CWF19L2: variants seen among roughly 807,000 people sequenced by gnomAD.
CWF19L2 encodes the protein CWF19 like cell cycle control factor 2.
A neutral mutation model predicts 111.7 loss-of-function variants in CWF19L2; 98 were observed. That is an observed-to-expected ratio of 0.88 (90% CI 0.75 to 1.04). The LOEUF is 1.04. Ranked by LOEUF, CWF19L2 falls within the 50% of genes least tolerant of loss-of-function variation. CWF19L2 has a pLI of 0.00. For synonymous variants in CWF19L2, 351 were observed against 342.9 expected, an observed-to-expected ratio of 1.02 and a Z score of -0.26; for missense variants, 1,101 against 1,051.4, an observed-to-expected ratio of 1.05 and a Z score of -0.65.
At chr11:107,385,322 C>CAA (rs11393267) in intron 12 of CWF19L2, among the ~76,000 whole-genome samples, 4,236 of 148,858 alleles carry the variant, frequency 0.028, 171 homozygotes, top group African/African-American at 0.095. Flanking sequence ...TTAAATAATA[C>CAA]AAAAAAAAAA....
At chr11:107,358,435 C>T (rs1297235800) in intron 12 of CWF19L2, among the ~76,000 whole-genome samples, 2 of 151,842 alleles carry the variant, frequency 1.3e-5, no homozygotes, top group East Asian at 1.9e-4. Flanking sequence ...TCCTGGGCCA[C>T]ATGTGGCCCA....
chr11:107,393,314 C>T (rs1350681203), intron 10 of CWF19L2, among the ~76,000 whole-genome samples: 1 of 152,070 alleles, frequency 6.6e-6, no homozygotes, highest in African/African-American at 2.4e-5. Flanking sequence ...TATAATGATA[C>T]TACCCGTAAC....
At position 107,367,834 on chromosome 11, in the gene CWF19L2, A is replaced by C. The variant is rs1860454328; in HGVS notation, c.1873-14098T>G. On this transcript the variant is annotated intron_variant, in intron 12 of 17. Transcript: ENST00000282251. ...CTAAAACTTAAAGTATAAAACAAAA[A>C]AAAAAGAAATGCTACTGATTTTTGT... 2.9e-5 allele frequency among the ~76,000 whole-genome samples: 4 copies of C among 137,358 alleles called. 2 individuals carry two copies. Among genetic ancestry groups the C allele is most frequent in the African/African-American group, 1.2e-4 (4 of 34,442 alleles). 90.1% of individuals were successfully genotyped at this position (137,358 alleles called of 152,430 possible).
At position 107,439,096 on chromosome 11, in the gene CWF19L2, T is replaced by C. The variant is rs562732610; in HGVS notation, c.658A>G (p.Thr220Ala). 6 of 1,484,960 alleles carry C rather than the reference T, an allele frequency of 4.0e-6. No individual in the cohort carries two copies. The East Asian group carries it at 6.8e-5, about 17-fold the overall frequency. The allele number at this position is 1,484,960 out of a possible 1,614,324, so 92.0% of individuals were successfully genotyped here. A position where few individuals can be genotyped will look rare whatever the true frequency, so the allele number is the denominator to read the frequency against. ...PPEDCSVSSI[T>A]KVSVVEDGGL... is the part of the protein sequence containing the mutation. Reference sequence around the variant, plus strand: ...AATCAAAATGTAGAAATACCTTTAGTAATCGATGACACACTACAGTCTTCA... The same window carrying C: ...AATCAAAATGTAGAAATACCTTTAGCAATCGATGACACACTACAGTCTTCA... The change falls in exon 6 of 18, where the codon ACT becomes GCT. Residue 220 changes from threonine (T) to alanine (A), a missense_variant. Physicochemically the swap from Thr to Ala is moderately conservative, Grantham distance 58. Transcript: ENST00000282251.
At chr11:107,357,248 TG>T (rs765580130) in intron 12 of CWF19L2, among the ~76,000 whole-genome samples, 1 of 152,178 alleles carries the variant, frequency 6.6e-6, no homozygotes, top group South Asian at 2.1e-4. Flanking sequence ...GGGCATACTG[TG>T]AATATAGTCT....
At chr11:107,330,426 C>T (rs1279239268) in intron 16 of CWF19L2, among the ~76,000 whole-genome samples, 1 of 152,026 alleles carries the variant, frequency 6.6e-6, no homozygotes, top group Non-Finnish European at 1.5e-5. Flanking sequence ...ATACTTAGAG[C>T]TCTCCTTGAA....
chr11:107,443,013 G>A lies in CWF19L2; in HGVS notation c.376C>T (p.Gln126Ter). 24 of 1,551,756 alleles carry A rather than the reference G, an allele frequency of 1.5e-5. No individual in the cohort carries two copies. Among genetic ancestry groups the A allele is most frequent in the Non-Finnish European group, 2.1e-5 (24 of 1,146,800 alleles). ...CAGGCTTTTTCCTTGTCAGGAGTCT[G>A]GGATGGAACAGCCTCAACCCACTCA... ...EDEWVEAVPS[Q>*]TPDKEKAWKV... is the part of the protein sequence containing the mutation. The change falls in exon 4 of 18, where the codon CAG becomes TAG. Residue 126 changes from glutamine (Q) to a stop codon, truncating the protein, a stop_gained. Coordinates refer to ENST00000282251, the MANE Select transcript of CWF19L2 (RefSeq NM_152434.3). LOFTEE classifies it high-confidence loss of function.
At chr11:107,405,641 C>T (rs187498427) in intron 10 of CWF19L2, among the ~76,000 whole-genome samples, 1 of 151,982 alleles carries the variant, frequency 6.6e-6, no homozygotes, top group African/African-American at 2.4e-5. Context: ...AGACATTGAC[C>T]TCGAGAAGAG....
intron 10 of CWF19L2, among the ~76,000 whole-genome samples, chr11:107,398,832 T>G (rs1466621748): frequency 6.6e-6 from 1 of 152,190 alleles, no homozygotes; most frequent in Non-Finnish European, 1.5e-5. Flanking sequence ...CAACAGCAGA[T>G]TTCTCAGCGG....
At chr11:107,435,635 A>G (rs1313306289) in intron 6 of CWF19L2, among the ~76,000 whole-genome samples, 1 of 152,106 alleles carries the variant, frequency 6.6e-6, no homozygotes, top group Non-Finnish European at 1.5e-5. Context: ...TTATATAATG[A>G]TTTCACCTTT....
intron 12 of CWF19L2, among the ~76,000 whole-genome samples, chr11:107,386,519 A>C (rs1305477273): frequency 6.6e-6 from 1 of 152,098 alleles, no homozygotes; most frequent in African/African-American, 2.4e-5. Flanking sequence ...AAACCTCTAC[A>C]CTGCCAAATC....
rs192444974 is a variant in CWF19L2, at chr11:107,355,289, C to A, written c.1873-1553G>T. ...AAGTAGCCGGGCGTGGTGGTCCATGCCTATAATCCCAGCTACTCAGGAGGC... is the reference window on the plus strand; with the variant it reads ...AAGTAGCCGGGCGTGGTGGTCCATGACTATAATCCCAGCTACTCAGGAGGC... On this transcript the variant is annotated intron_variant, in intron 12 of 17. Transcript: ENST00000282251. Among the ~76,000 whole-genome samples the A allele has an allele frequency of 1.1e-4, 16 of 152,048 alleles. No homozygotes were observed. In the South Asian group the frequency reaches 1.5e-3, roughly 14 times the overall value.
At chr11:107,354,484 A>C (rs1860206551) in intron 12 of CWF19L2, among the ~76,000 whole-genome samples, 1 of 152,124 alleles carries the variant, frequency 6.6e-6, no homozygotes, top group Non-Finnish European at 1.5e-5. Context: ...CCTTATCCAA[A>C]TGCTTGGGAC....
chr11:107,381,066 T>C (rs1406648686), intron 12 of CWF19L2, among the ~76,000 whole-genome samples: 2 of 152,050 alleles, frequency 1.3e-5, no homozygotes, highest in East Asian at 1.9e-4. Context: ...TAAATGGAAG[T>C]GAGCAGGACA....
intron 12 of CWF19L2, among the ~76,000 whole-genome samples, chr11:107,362,189 G>A (rs554674337): frequency 3.3e-5 from 3 of 91,068 alleles, no homozygotes; most frequent in East Asian, 3.0e-4. Flanking sequence ...ACGGAGTCTC[G>A]CTGATTGCTA....
chr11:107,453,400 A>G (rs2135431309), intron 3 of CWF19L2, among the ~76,000 whole-genome samples: 1 of 152,162 alleles, frequency 6.6e-6, no homozygotes, highest in South Asian at 2.1e-4. Flanking sequence ...GCAGCTCCAA[A>G]AGAGACCCTG....
chr11:107,432,842 TGCAAAATGCATTGG>T (rs1259954348), intron 7 of CWF19L2, among the ~76,000 whole-genome samples: 1 of 152,112 alleles, frequency 6.6e-6, no homozygotes, highest in Non-Finnish European at 1.5e-5. Context: ...AAGAAAAATA[TGCAAAATGCATTGG>T]GCATAGACAG....
At chr11:107,401,373 G>A (rs548426439) in intron 10 of CWF19L2, among the ~76,000 whole-genome samples, 1 of 152,200 alleles carries the variant, frequency 6.6e-6, no homozygotes, top group Non-Finnish European at 1.5e-5. Context: ...CAAAGTTTCT[G>A]GATACAAGAT....
At chr11:107,357,592 T>G (rs993277385) in intron 12 of CWF19L2, among the ~76,000 whole-genome samples, 1 of 152,238 alleles carries the variant, frequency 6.6e-6, no homozygotes, top group Non-Finnish European at 1.5e-5. Flanking sequence ...GTGTTTGAAT[T>G]GAAAATGATA....
Sources: allele counts gnomAD v4.1 joint callset (sites outside exome capture counted in the v4.1 genomes callset), GRCh38; gene constraint gnomAD v4.1.1; transcripts MANE v1.5; gene names NCBI Gene and HGNC (gene_info 2026-07-23, HGNC 2026-07-21).